The following ATP9B variants were observed in gnomAD, a reference collection of about 807,000 sequenced individuals.
ATP9B encodes the protein probable phospholipid-transporting ATPase IIB.
Under a neutral mutation model 146.1 loss-of-function variants are expected in ATP9B, and 110 were observed. That is an observed-to-expected ratio of 0.75 (90% CI 0.65 to 0.88). The LOEUF is 0.88. ATP9B is among the 40% of genes least tolerant of loss of function. ATP9B has a pLI of 0.00. For missense variants in ATP9B, 1,499 were observed against 1,496.4 expected (o/e 1.00, Z -0.03); for synonymous variants, 604 against 569.7 (o/e 1.06, Z -0.86).
intron 17 of ATP9B, 99 bp downstream of exon 17, chr18:79,330,203 TGATA>T (rs1320636295): frequency 9.2e-7 from 1 of 1,092,286 alleles, no homozygotes; most frequent in Non-Finnish European, 1.4e-6. Flanking sequence ...TGAACTTTAT[TGATA>T]GATGACAGGA....
At position 79,084,019 on chromosome 18, in the gene ATP9B, C is replaced by T. The variant is rs1021536683; in HGVS notation, c.120-12457C>T. Among the ~76,000 whole-genome samples the T allele has an allele frequency of 2.2e-4, 33 of 151,932 alleles. No homozygotes were observed. In the East Asian group the frequency reaches 2.5e-3, roughly 12 times the overall value. On this transcript the variant is annotated intron_variant, in intron 1 of 29. Coordinates refer to ENST00000426216, the MANE Select transcript of ATP9B (RefSeq NM_198531.5). ...CACTACAGGCACGTGCCACCATGCC[C>T]GGCTAATTTTTTTTGTTTTAGTAGA...
chr18:79,317,135 T>TATA (rs1342768873), intron 15 of ATP9B, among the ~76,000 whole-genome samples: 2 of 152,198 alleles, frequency 1.3e-5, no homozygotes, highest in African/African-American at 2.4e-5. Context: ...TGACCAGTTT[T>TATA]ATAGGTCAGT....
At chr18:79,104,687 G>A (rs911167759) in intron 2 of ATP9B, among the ~76,000 whole-genome samples, 18 of 152,030 alleles carry the variant, frequency 1.2e-4, no homozygotes, top group Admixed American at 2.0e-4. Context: ...AAAAACACCC[G>A]TGTTTGCGGG....
Position 79,341,738 on chromosome 18 carries a change from G to A in ATP9B, c.2284-530G>A, listed in dbSNP as rs907070819. Among the ~76,000 whole-genome samples the A allele has an allele frequency of 2.0e-5, 3 of 149,746 alleles. 1 individual carries two copies. In the South Asian group the frequency reaches 6.5e-4, roughly 32 times the overall value. ...GCCGACACACCATTTAGTTGTGGTT[G>A]GATGTGTGTAGCGTGACCTGTTGAA... On this transcript the variant is annotated intron_variant, in intron 19 of 29. Transcript: ENST00000426216.
chr18:79,200,977 C>A (rs1233509708), intron 9 of ATP9B, among the ~76,000 whole-genome samples: 1 of 152,182 alleles, frequency 6.6e-6, no homozygotes, highest in African/African-American at 2.4e-5. Flanking sequence ...TGAGCACAAA[C>A]TGAATTTAGG....
rs138121863 is a variant in ATP9B, at chr18:79,303,142, A to G, written c.1412-462A>G. 3.9e-5 allele frequency among the ~76,000 whole-genome samples: 6 copies of G among 152,326 alleles called. No homozygotes were observed. The East Asian group carries it at 1.2e-3, about 29-fold the overall frequency. ...TATAATCAGAACACTTTAGGAGGCC[A>G]AGACAGAAGGATCGCTTGAGACCAG... On this transcript the variant is annotated intron_variant, in intron 13 of 29. Transcript: ENST00000426216.
intron 12 of ATP9B, among the ~76,000 whole-genome samples, chr18:79,274,110 A>G (rs1238748051): frequency 2.6e-5 from 4 of 152,178 alleles, no homozygotes; most frequent in Non-Finnish European, 5.9e-5. Flanking sequence ...TATAGCTGGT[A>G]TTGATTACTT....
chr18:79,305,009 G>A (rs1446119965), intron 14 of ATP9B, among the ~76,000 whole-genome samples: 2 of 152,066 alleles, frequency 1.3e-5, no homozygotes, highest in East Asian at 1.9e-4. Context: ...AGCGCTGCAC[G>A]GCACTGCTCC....
chr18:79,375,588 T>TC, intron 29 of ATP9B, 162 bp downstream of exon 29: 1 of 985,356 alleles, frequency 1.0e-6, no homozygotes, highest in African/African-American at 1.7e-5. Flanking sequence ...GCTCGGCTAG[T>TC]CATGGGCTGA....
intron 13 of ATP9B, among the ~76,000 whole-genome samples, chr18:79,284,610 CA>C (rs1165002011): frequency 3.9e-5 from 6 of 152,060 alleles, no homozygotes; most frequent in African/African-American, 1.2e-4. Flanking sequence ...GTTTCCATTT[CA>C]TTTTTTTTAA....
intron 16 of ATP9B, 123 bp downstream of exon 16, chr18:79,329,425 TGTTTG>T: frequency 1.7e-6 from 2 of 1,184,428 alleles, no homozygotes; most frequent in East Asian, 5.5e-5. Flanking sequence ...GTTACAGTTT[TGTTTG>T]TTTTTTTTTT....
intron 11 of ATP9B, among the ~76,000 whole-genome samples, chr18:79,247,731 C>T (rs904538578): frequency 6.6e-6 from 1 of 152,076 alleles, no homozygotes; most frequent in Non-Finnish European, 1.5e-5. Flanking sequence ...GTAGCTGATT[C>T]TTGCATTAAT....
intron 2 of ATP9B, among the ~76,000 whole-genome samples, chr18:79,103,898 C>T (rs2075470581): frequency 6.6e-6 from 1 of 152,110 alleles, no homozygotes; most frequent in South Asian, 2.1e-4. Flanking sequence ...GAGTTGACTG[C>T]TACCAATTTG....
At chr18:79,081,047 T>C (rs1453871468) in intron 1 of ATP9B, among the ~76,000 whole-genome samples, 1 of 152,184 alleles carries the variant, frequency 6.6e-6, no homozygotes, top group Admixed American at 6.5e-5. Flanking sequence ...ATTTTCACAT[T>C]GATGTTCATC....
chr18:79,372,728 C>G lies in ATP9B; in HGVS notation c.3013-97C>G, dbSNP rs775101362. 3.6e-6 allele frequency: 3 copies of G among 839,058 alleles called. No individual in the cohort carries two copies. In the African/African-American group the frequency reaches 5.0e-5, roughly 14 times the overall value. The allele number at this position is 839,058 out of a possible 1,614,324, so 52.0% of individuals were successfully genotyped here. A position where few individuals can be genotyped will look rare whatever the true frequency, so the allele number is the denominator to read the frequency against. ...GGTGGCATGGATGGGGCTTATGGACCTGGGTCTTTCAGAAGTGACCCATAG... is the reference window on the plus strand; with the variant it reads ...GGTGGCATGGATGGGGCTTATGGACGTGGGTCTTTCAGAAGTGACCCATAG... On this transcript the variant is annotated intron_variant, in intron 26 of 29. Transcript: ENST00000426216.
chr18:79,126,235 G>C (rs377012107), intron 4 of ATP9B, 32 bp from the exon 5 acceptor site: 31 of 1,541,588 alleles, frequency 2.0e-5, no homozygotes, highest in Non-Finnish European at 2.7e-5. Context: ...TTAAAGTTTA[G>C]TTTTCTAAAA....
chr18:79,164,340 G>C (rs986119458), intron 7 of ATP9B, among the ~76,000 whole-genome samples: 26 of 152,248 alleles, frequency 1.7e-4, no homozygotes, highest in African/African-American at 6.0e-4. Context: ...GCCTTAGACA[G>C]GTGGGTTCAT....
chr18:79,258,361 T>TTGAGGC (rs1174027781), intron 12 of ATP9B, among the ~76,000 whole-genome samples: 1 of 151,956 alleles, frequency 6.6e-6, no homozygotes. Context: ...GCCCAGGAGG[T>TTGAGGC]TGAGGCTGCA....
chr18:79,342,137 T>C, intron 19 of ATP9B, 131 bp from the exon 20 acceptor site: 1 of 673,530 alleles, frequency 1.5e-6, no homozygotes, highest in Non-Finnish European at 2.7e-6. Context: ...GGAACACATT[T>C]TGCTCATTCA....
Sources: allele counts gnomAD v4.1 joint callset (sites outside exome capture counted in the v4.1 genomes callset), GRCh38; gene constraint gnomAD v4.1.1; transcripts MANE v1.5; gene names NCBI Gene and HGNC (gene_info 2026-07-23, HGNC 2026-07-21).